Variants in EPHA6 observed in about 807,000 individuals in gnomAD.
EPHA6 encodes the protein ephrin type-A receptor 6.
EPHA6 carries 50 observed loss-of-function variants against 112.0 expected under a neutral mutation model. The observed-to-expected ratio is 0.45, with a 90% CI of 0.36 to 0.56. The LOEUF (loss-of-function observed/expected upper bound fraction) is 0.56. Among genes scored for constraint, EPHA6 ranks in the 20% least tolerant of loss-of-function variants. The pLI is 0.00. For synonymous variants in EPHA6, 529 were observed against 490.7 expected (o/e 1.08, Z -1.03); for missense variants, 1,280 against 1,417.4 (o/e 0.90, Z 1.56).
intron 14 of EPHA6, among the ~76,000 whole-genome samples, chr3:97,714,709 T>TCTGTGACTTG (rs1231047653): frequency 6.6e-6 from 1 of 152,216 alleles, no homozygotes; most frequent in Non-Finnish European, 1.5e-5. Context: ...TTGAGATCAT[T>TCTGTGACTTG]CTGTGACTTG....
At chr3:96,883,129 G>A (rs1307448294) in intron 2 of EPHA6, among the ~76,000 whole-genome samples, 1 of 152,174 alleles carries the variant, frequency 6.6e-6, no homozygotes, top group African/African-American at 2.4e-5. Flanking sequence ...ACTTGCAGGA[G>A]TAAGGTGGTA....
At chr3:97,183,285 T>G (rs960901499) in intron 3 of EPHA6, among the ~76,000 whole-genome samples, 3 of 152,072 alleles carry the variant, frequency 2.0e-5, no homozygotes, top group African/African-American at 7.2e-5. Flanking sequence ...AAGTAAAAAT[T>G]AAGTACAATT....
intron 11 of EPHA6, among the ~76,000 whole-genome samples, chr3:97,580,916 ACT>A (rs958667006): frequency 6.6e-6 from 1 of 152,080 alleles, no homozygotes; most frequent in Non-Finnish European, 1.5e-5. Context: ...AGCCCAACAC[ACT>A]GTTATTACTT....
intron 5 of EPHA6, among the ~76,000 whole-genome samples, chr3:97,325,376 C>G (rs1022294300): frequency 6.6e-6 from 1 of 152,058 alleles, no homozygotes; most frequent in African/African-American, 2.4e-5. Context: ...GGTCTTTTCT[C>G]TGTGTGTGCA....
At chr3:97,665,164 A>G (rs1351082268) in intron 14 of EPHA6, among the ~76,000 whole-genome samples, 1 of 152,156 alleles carries the variant, frequency 6.6e-6, no homozygotes, top group Non-Finnish European at 1.5e-5. Context: ...AAATAATACC[A>G]CACATCTACA....
chr3:97,284,322 C>CT (rs1434734192), intron 5 of EPHA6, among the ~76,000 whole-genome samples: 2 of 151,960 alleles, frequency 1.3e-5, no homozygotes, highest in African/African-American at 4.8e-5. Flanking sequence ...AAATTATTAT[C>CT]TTTTTTCCTT....
At chr3:97,481,352 A>G (rs2107486741) in intron 9 of EPHA6, 2 of 1,555,628 alleles carry the variant, frequency 1.3e-6, no homozygotes, top group South Asian at 2.2e-5. Context: ...AAAATATCCA[A>G]CATAGCTATT....
intron 2 of EPHA6, among the ~76,000 whole-genome samples, chr3:96,959,815 G>T (rs771229400): frequency 6.6e-6 from 1 of 151,656 alleles, no homozygotes; most frequent in Non-Finnish European, 1.5e-5. Flanking sequence ...GACAAAAAGG[G>T]AACCACTTCT....
intron 1 of EPHA6, among the ~76,000 whole-genome samples, chr3:96,824,270 A>G (rs949311536): frequency 1.3e-5 from 2 of 151,830 alleles, no homozygotes; most frequent in Non-Finnish European, 2.9e-5. Flanking sequence ...TAATAGGTTT[A>G]TTAAAGCTAA....
intron 2 of EPHA6, among the ~76,000 whole-genome samples, chr3:96,939,145 C>T (rs1289633268): frequency 1.3e-5 from 2 of 152,170 alleles, no homozygotes; most frequent in African/African-American, 4.8e-5. Context: ...AGGATTCCCT[C>T]TTTTTCTGTT....
chr3:96,837,415 G>C (rs2034481550), intron 1 of EPHA6, among the ~76,000 whole-genome samples: 1 of 152,084 alleles, frequency 6.6e-6, no homozygotes, highest in Admixed American at 6.6e-5. Flanking sequence ...TGTTTATGAT[G>C]AGGGAGAATC....
At chr3:97,422,362 C>A (rs569078275) in intron 6 of EPHA6, among the ~76,000 whole-genome samples, 1 of 152,136 alleles carries the variant, frequency 6.6e-6, no homozygotes, top group South Asian at 2.1e-4. Context: ...ATACACTCAA[C>A]TTCATTAGTA....
chr3:96,898,276 C>G (rs1379617367), intron 2 of EPHA6, among the ~76,000 whole-genome samples: 1 of 152,128 alleles, frequency 6.6e-6, no homozygotes, highest in East Asian at 1.9e-4. Flanking sequence ...TAATTACTTT[C>G]TAGTATTTGC....
At chr3:97,665,549 C>G (rs1475286217) in intron 14 of EPHA6, among the ~76,000 whole-genome samples, 2 of 152,190 alleles carry the variant, frequency 1.3e-5, no homozygotes, top group Non-Finnish European at 2.9e-5. Flanking sequence ...AAGATCCAGC[C>G]TGGTCACAAT....
At position 97,051,357 on chromosome 3, in the gene EPHA6, G is replaced by A. The variant is rs182710761; in HGVS notation, c.1114+63364G>A. On this transcript the variant is annotated intron_variant, in intron 3 of 17. Transcript: ENST00000389672. ...GATATAGTATGTATGTTTATGTGTG[G>A]CCCAGAATTTGTGGTGCTTAAGACT... 3.9e-5 allele frequency among the ~76,000 whole-genome samples: 6 copies of A among 152,196 alleles called. No individual in the cohort carries two copies. In the East Asian group the frequency reaches 1.2e-3, roughly 29 times the overall value.
intron 10 of EPHA6, among the ~76,000 whole-genome samples, chr3:97,525,137 A>G (rs114810338): frequency 0.025 from 3,849 of 152,168 alleles, 58 homozygotes; most frequent in Non-Finnish European, 0.045. Flanking sequence ...TTATATTTGT[A>G]CATTTGATGG....
intron 5 of EPHA6, among the ~76,000 whole-genome samples, chr3:97,319,678 A>C (rs1208136425): frequency 9.3e-5 from 14 of 151,118 alleles, no homozygotes; most frequent in East Asian, 1.9e-4. Flanking sequence ...AAAAAAAAAA[A>C]AACAAAAAAC....
At chr3:96,951,773 T>G (rs1196727678) in intron 2 of EPHA6, among the ~76,000 whole-genome samples, 1 of 152,218 alleles carries the variant, frequency 6.6e-6, no homozygotes, top group Non-Finnish European at 1.5e-5. Flanking sequence ...TTATGCAGTT[T>G]CTTCTTTATT....
intron 3 of EPHA6, among the ~76,000 whole-genome samples, chr3:97,217,486 G>T (rs1481393140): frequency 6.6e-6 from 1 of 152,034 alleles, no homozygotes; most frequent in Non-Finnish European, 1.5e-5. Context: ...CAATTAAATG[G>T]CATAGATTGT....
Sources: gnomAD v4.1 joint callset for allele counts (sites outside exome capture counted in the v4.1 genomes callset) on GRCh38, gnomAD v4.1.1 for gene constraint, MANE v1.5 for transcripts, NCBI Gene and HGNC (gene_info 2026-07-23, HGNC 2026-07-21) for gene names.